The following NCKAP5 variants were observed in gnomAD, a reference collection of about 807,000 sequenced individuals.
NCKAP5 encodes NCK associated protein 5, also known as nck-associated protein 5.
A neutral mutation model predicts 167.0 loss-of-function variants in NCKAP5; 92 were observed. The observed-to-expected ratio is 0.55, with a 90% CI of 0.47 to 0.66. The LOEUF is 0.66. Among genes scored for constraint, NCKAP5 ranks in the 30% least tolerant of loss-of-function variants. The probability of loss-of-function intolerance (pLI) is 0.00; values close to 1 mark genes in which losing one functional copy is unlikely to be tolerated. For missense variants in NCKAP5, 2,378 were observed against 2,315.0 expected, an observed-to-expected ratio of 1.03 and a Z score of -0.56; for synonymous variants, 891 against 877.4, an observed-to-expected ratio of 1.02 and a Z score of -0.27.
intron 3 of NCKAP5, among the ~76,000 whole-genome samples, chr2:133,375,353 C>T (rs996694853): frequency 2.0e-5 from 3 of 152,196 alleles, no homozygotes; most frequent in Non-Finnish European, 4.4e-5. Context: ...TGACATGAGC[C>T]GTATGAAATA....
intron 6 of NCKAP5, among the ~76,000 whole-genome samples, chr2:133,007,339 T>C (rs1471217214): frequency 1.3e-5 from 2 of 152,232 alleles, no homozygotes; most frequent in Non-Finnish European, 2.9e-5. Flanking sequence ...AACCTTTTGG[T>C]GCTGATGTGA....
intron 4 of NCKAP5, among the ~76,000 whole-genome samples, chr2:133,281,618 C>G (rs2089938959): frequency 6.6e-6 from 1 of 152,262 alleles, no homozygotes; most frequent in East Asian, 1.9e-4. Flanking sequence ...ATCACAAGTT[C>G]TTAAAAGTTA....
intron 4 of NCKAP5, among the ~76,000 whole-genome samples, chr2:133,273,621 G>A (rs1294298868): frequency 6.6e-6 from 1 of 151,914 alleles, no homozygotes; most frequent in East Asian, 1.9e-4. Flanking sequence ...GTAAATATAG[G>A]CTGTATGGGA....
chr2:133,375,749 C>T (rs1418627083), intron 3 of NCKAP5, among the ~76,000 whole-genome samples: 4 of 152,286 alleles, frequency 2.6e-5, no homozygotes, highest in African/African-American at 9.6e-5. Flanking sequence ...CAGCTCCATC[C>T]ATGTCCCTAC....
the NCKAP5 span, among the ~76,000 whole-genome samples, chr2:133,629,635 AC>A: frequency 6.6e-6 from 1 of 152,210 alleles, no homozygotes; most frequent in Non-Finnish European, 1.5e-5. Context: ...CTGGGTATAT[AC>A]CCAAGGGAAT....
the NCKAP5 span, among the ~76,000 whole-genome samples, chr2:133,671,436 C>T: frequency 3.3e-5 from 5 of 152,058 alleles, no homozygotes; most frequent in African/African-American, 4.8e-5. Context: ...AGGTTCTGCC[C>T]TCATAAATGG....
At chr2:132,844,966 T>C (rs1044956005) in intron 11 of NCKAP5, among the ~76,000 whole-genome samples, 4 of 152,160 alleles carry the variant, frequency 2.6e-5, no homozygotes, top group Admixed American at 6.5e-5. Flanking sequence ...AAATGTATTA[T>C]AAAGTCTTAT....
intron 6 of NCKAP5, among the ~76,000 whole-genome samples, chr2:132,996,495 T>C (rs16845061): frequency 0.028 from 4,222 of 152,244 alleles, 149 homozygotes; most frequent in African/African-American, 0.089. Flanking sequence ...AACCCTCTTT[T>C]CAAATTTACC....
intron 3 of NCKAP5, among the ~76,000 whole-genome samples, chr2:133,473,341 A>G (rs1043499059): frequency 6.6e-6 from 1 of 152,090 alleles, no homozygotes; most frequent in Non-Finnish European, 1.5e-5. Flanking sequence ...CAAAAAAAAA[A>G]AAATTAATTA....
the NCKAP5 span, among the ~76,000 whole-genome samples, chr2:133,634,296 G>C: frequency 6.6e-6 from 1 of 151,996 alleles, no homozygotes; most frequent in Non-Finnish European, 1.5e-5. Context: ...CCACTCCCTC[G>C]TAACAAAGGG....
At chr2:132,727,830 C>T (rs1690610780) in intron 18 of NCKAP5, among the ~76,000 whole-genome samples, 1 of 152,192 alleles carries the variant, frequency 6.6e-6, no homozygotes, top group African/African-American at 2.4e-5. Flanking sequence ...AGAGGATCTG[C>T]TCCCCTACTT....
intron 3 of NCKAP5, among the ~76,000 whole-genome samples, chr2:133,516,568 C>T (rs1167392469): frequency 6.6e-6 from 1 of 152,202 alleles, no homozygotes; most frequent in East Asian, 1.9e-4. Flanking sequence ...AGGTAAATAA[C>T]TAATCTGTCC....
intron 19 of NCKAP5, among the ~76,000 whole-genome samples, chr2:132,686,462 C>T (rs1685951422): frequency 6.6e-6 from 1 of 152,182 alleles, no homozygotes; most frequent in Non-Finnish European, 1.5e-5. Flanking sequence ...ATTCTCATGG[C>T]ATGGTGGGTA....
chr2:133,260,703 C>T (rs1009872020), intron 4 of NCKAP5, among the ~76,000 whole-genome samples: 7 of 152,036 alleles, frequency 4.6e-5, no homozygotes, highest in African/African-American at 9.6e-5. Context: ...AACTGCACTA[C>T]GATATTAGTA....
chr2:132,807,696 T>G (rs192447066), intron 11 of NCKAP5, among the ~76,000 whole-genome samples: 7 of 152,252 alleles, frequency 4.6e-5, no homozygotes, highest in African/African-American at 1.7e-4. Context: ...GATCATATTG[T>G]CAGCCAACAG....
the NCKAP5 span, among the ~76,000 whole-genome samples, chr2:133,622,932 T>C: frequency 6.6e-4 from 100 of 152,160 alleles, no homozygotes; most frequent in Middle Eastern, 0.014. Flanking sequence ...CAAAACAGCA[T>C]GATACTGTAT....
intron 8 of NCKAP5, among the ~76,000 whole-genome samples, chr2:132,929,101 T>C (rs942671759): frequency 6.6e-6 from 1 of 152,178 alleles, no homozygotes; most frequent in African/African-American, 2.4e-5. Flanking sequence ...CTTTCTACCA[T>C]GTGAGGACAC....
In NCKAP5 at chr2:133,482,808, A is replaced by T. The variant is rs528968363; in HGVS notation, c.69+34650T>A. ...CTCTGAATCCTTACCAACATCTGTT[A>T]TTTTTTTTTCTTTTTAATAACTTCT... On this transcript the variant is annotated intron_variant, in intron 3 of 19. Coordinates refer to ENST00000409261, the MANE Select transcript of NCKAP5 (RefSeq NM_207363.3). Among the ~76,000 whole-genome samples the T allele has an allele frequency of 1.8e-3, 273 of 150,990 alleles. 1 individual carries two copies. Among genetic ancestry groups the T allele is most frequent in the African/African-American group, 5.8e-3 (238 of 41,128 alleles).
At chr2:132,787,957 C>G (rs1422398617) in intron 13 of NCKAP5, among the ~76,000 whole-genome samples, 1 of 152,162 alleles carries the variant, frequency 6.6e-6, no homozygotes, top group Non-Finnish European at 1.5e-5. Context: ...CATTCTGGAG[C>G]CTGCCAGGTG....
Sources: gnomAD v4.1 joint callset for allele counts (sites outside exome capture counted in the v4.1 genomes callset) on GRCh38, gnomAD v4.1.1 for gene constraint, MANE v1.5 for transcripts, NCBI Gene and HGNC (gene_info 2026-07-23, HGNC 2026-07-21) for gene names.